Variants in PCDHGB6 observed in about 807,000 individuals in gnomAD.
The protein encoded by PCDHGB6 is protocadherin gamma subfamily B, 6.
In PCDHGB6, 51 loss-of-function variants were observed where a neutral mutation model predicts 59.1. The observed-to-expected ratio is 0.86, with a 90% CI of 0.69 to 1.09. The LOEUF (loss-of-function observed/expected upper bound fraction) is 1.09. PCDHGB6 is among the 50% of genes least tolerant of loss of function. PCDHGB6 has a pLI of 0.00. For missense variants in PCDHGB6, 1,148 were observed against 1,205.1 expected, an observed-to-expected ratio of 0.95 and a Z score of 0.70; for synonymous variants, 466 against 495.1, an observed-to-expected ratio of 0.94 and a Z score of 0.78.
intron 1 of PCDHGB6, among the ~76,000 whole-genome samples, chr5:141,468,868 A>T (rs1006995156): frequency 9.2e-5 from 14 of 151,794 alleles, no homozygotes; most frequent in African/African-American, 2.4e-4. Flanking sequence ...TCCATCTCAA[A>T]AATAATAATA....
At chr5:141,423,237 C>A in intron 1 of PCDHGB6, 1 of 1,613,916 alleles carries the variant, frequency 6.2e-7, no homozygotes, top group Non-Finnish European at 8.5e-7. Context: ...ACAGCATCCC[C>A]GAAGTCCTGG....
At chr5:141,435,058 A>G (rs1161891073) in intron 1 of PCDHGB6, among the ~76,000 whole-genome samples, 3 of 152,234 alleles carry the variant, frequency 2.0e-5, no homozygotes, top group East Asian at 3.9e-4. Flanking sequence ...ACCATGCAGC[A>G]GTTTTGTGTA....
rs1211398299 is a variant in PCDHGB6 at position 141,420,143 on chromosome 5, A to G, written c.2418+9523A>G. The G allele has an allele frequency of 1.2e-6, 2 of 1,614,052 alleles. No homozygotes were observed. The highest frequency in any genetic ancestry group is 2.2e-5 in the East Asian group (1 of 44,888). On this transcript the variant is annotated intron_variant, in intron 1 of 3. Transcript: ENST00000520790. The stretch of plus-strand genomic sequence containing the variant: ...TTTTTGTGTGCCTGGGGATCAAATG[A>G]ATCCAGAATTTAATTTTTTCACATC...
intron 3 of PCDHGB6, among the ~76,000 whole-genome samples, chr5:141,509,620 C>G (rs1321910971): frequency 6.6e-6 from 1 of 152,188 alleles, no homozygotes; most frequent in African/African-American, 2.4e-5. Context: ...TAAACAAGTT[C>G]CTGGGTGATG....
In PCDHGB6 at chr5:141,431,141, G is replaced by A. The variant is rs1262504427; in HGVS notation, c.2418+20521G>A. 24 of 1,614,212 alleles carry A rather than the reference G, an allele frequency of 1.5e-5. No individual in the cohort carries two copies. The highest frequency in any genetic ancestry group is 2.0e-5 in the Non-Finnish European group (24 of 1,180,030). On this transcript the variant is annotated intron_variant, in intron 1 of 3. Coordinates refer to ENST00000520790, the MANE Select transcript of PCDHGB6 (RefSeq NM_018926.3). The surrounding 1 kb of genome is among the most constrained non-coding windows in gnomAD (Gnocchi z 4.8). ...AGAAGTAGAAGTAAGGGACATTAAC[G>A]ACAATGCGCCTTACTTTCGTGAAAG...
intron 1 of PCDHGB6, chr5:141,478,595 T>A: frequency 6.4e-7 from 1 of 1,567,880 alleles, no homozygotes; most frequent in Non-Finnish European, 8.7e-7. Flanking sequence ...TTTTTATTCC[T>A]ACATCATATT....
chr5:141,500,989 C>T (rs779352768), intron 2 of PCDHGB6, among the ~76,000 whole-genome samples: 1 of 152,040 alleles, frequency 6.6e-6, no homozygotes, highest in Non-Finnish European at 1.5e-5. Context: ...CTGCCTCAGC[C>T]TCCTGAGTAG....
At position 141,410,181 on chromosome 5, in the gene PCDHGB6, T is replaced by C; in HGVS notation, c.1979T>C (p.Leu660Pro). Residue 660 changes from leucine to proline, a missense_variant, in exon 1 of 4, where the codon CTT becomes CCT. By Grantham distance (98) the Leu-to-Pro change is moderately conservative (BLOSUM62 -3). Transcript: ENST00000520790. ...GQPPLSATAT[L>P]HLVFADNLQE... ...CCGCCACTCTCTGCCACCGCCACGCTTCATCTGGTCTTCGCAGACAACTTG... is the reference window on the plus strand; with the variant it reads ...CCGCCACTCTCTGCCACCGCCACGCCTCATCTGGTCTTCGCAGACAACTTG... The C allele has an allele frequency of 6.2e-7, 1 of 1,613,814 alleles. No homozygotes were observed. Among genetic ancestry groups the C allele is most frequent in the South Asian group, 1.1e-5 (1 of 91,078 alleles).
chr5:141,422,066 A>G, intron 1 of PCDHGB6: 1 of 1,612,154 alleles, frequency 6.2e-7, no homozygotes. Context: ...GAAGTAATGT[A>G]TTCATTTCGG....
intron 1 of PCDHGB6, chr5:141,415,794 A>G: frequency 1.5e-6 from 2 of 1,366,408 alleles, no homozygotes; most frequent in Non-Finnish European, 1.9e-6. Context: ...AAATTCACCT[A>G]GTCTCAATCA....
At chr5:141,447,976 C>T (rs774074042) in intron 1 of PCDHGB6, among the ~76,000 whole-genome samples, 18 of 151,938 alleles carry the variant, frequency 1.2e-4, no homozygotes, top group Non-Finnish European at 2.5e-4. Flanking sequence ...ATCCCAGCTA[C>T]TCGGGAGGCT....
At chr5:141,498,967 GGGAGGGAA>G (rs1395523211) in intron 2 of PCDHGB6, among the ~76,000 whole-genome samples, 34 of 129,670 alleles carry the variant, frequency 2.6e-4, no homozygotes, top group Admixed American at 1.5e-3. Flanking sequence ...GAGGGAGGGA[GGGAGGGAA>G]GGAAGGAAGG....
chr5:141,470,297 T>A (rs2099227289), intron 1 of PCDHGB6, among the ~76,000 whole-genome samples: 2 of 152,348 alleles, frequency 1.3e-5, no homozygotes, highest in Admixed American at 1.3e-4. Flanking sequence ...TAACTGTTTT[T>A]ATTCCATTTT....
At position 141,507,794 on chromosome 5, in the gene PCDHGB6, C is replaced by CT. The variant is rs576191739; in HGVS notation, c.2566+2314dup. On this transcript the variant is annotated intron_variant, in intron 3 of 3. Coordinates refer to ENST00000520790, the MANE Select transcript of PCDHGB6 (RefSeq NM_018926.3). ...CACAGGGCCTGACCCTCGTCTAAGC[C>CT]TGCGCCCTGGGGAACGGACCCTGGG... 7.9e-4 allele frequency among the ~76,000 whole-genome samples: 120 copies of CT among 152,356 alleles called. 2 individuals carry two copies. The highest frequency in any genetic ancestry group is 2.8e-3 in the African/African-American group (115 of 41,592).
chr5:141,470,650 T>C (rs2099235744), intron 1 of PCDHGB6, among the ~76,000 whole-genome samples: 1 of 152,184 alleles, frequency 6.6e-6, no homozygotes, highest in Non-Finnish European at 1.5e-5. Context: ...TGAAGGCCCC[T>C]ACCCTTTGGT....
intron 3 of PCDHGB6, among the ~76,000 whole-genome samples, chr5:141,509,139 A>G (rs1042555376): frequency 2.6e-5 from 4 of 152,140 alleles, no homozygotes; most frequent in African/African-American, 9.7e-5. Flanking sequence ...ACCGAGGCGC[A>G]TCCCGGCTCT....
intron 1 of PCDHGB6, among the ~76,000 whole-genome samples, chr5:141,459,742 T>C (rs2098974738): frequency 6.6e-6 from 1 of 152,248 alleles, no homozygotes; most frequent in Non-Finnish European, 1.5e-5. Context: ...TTTTAAATTT[T>C]AGCAATTCTA....
At position 141,431,574 on chromosome 5, in the gene PCDHGB6, G is replaced by T. The variant is rs1476143491; in HGVS notation, c.2418+20954G>T. The T allele has an allele frequency of 6.2e-7, 1 of 1,614,196 alleles. No homozygotes were observed. Among genetic ancestry groups the T allele is most frequent in the Admixed American group, 1.7e-5 (1 of 60,034 alleles). On this transcript the variant is annotated intron_variant, in intron 1 of 3. Transcript: ENST00000520790. This position sits in a 1 kb window ranked among gnomAD's most constrained non-coding sequence, Gnocchi z 4.8. The stretch of plus-strand genomic sequence containing the variant: ...GTCAACGCTACCGACCCTGACGAAG[G>T]AGTCAATGCGGAAGTGAGGTATTCC...
intron 2 of PCDHGB6, among the ~76,000 whole-genome samples, chr5:141,503,361 C>T (rs1021880248): frequency 6.6e-6 from 1 of 151,886 alleles, no homozygotes; most frequent in Non-Finnish European, 1.5e-5. Context: ...CTTTGGGAAG[C>T]GGAGGCAGGT....
Sources: gnomAD v4.1 joint callset for allele counts (sites outside exome capture counted in the v4.1 genomes callset) on GRCh38, gnomAD v4.1.1 for gene constraint, Gnocchi (gnomAD v3.1) non-coding constraint, MANE v1.5 for transcripts, NCBI Gene and HGNC (gene_info 2026-07-23, HGNC 2026-07-21) for gene names.